The following CTNND2 variants were observed in gnomAD, a reference collection of about 807,000 sequenced individuals.
CTNND2 encodes catenin delta 2.
In CTNND2, 22 loss-of-function variants were observed where a neutral mutation model predicts 144.4. That is an observed-to-expected ratio of 0.15 (90% CI 0.11 to 0.22). The LOEUF (loss-of-function observed/expected upper bound fraction) is 0.22. Ranked by LOEUF, CTNND2 falls within the 10% of genes least tolerant of loss-of-function variation. The pLI, the probability that CTNND2 is intolerant of heterozygous loss-of-function variation, is 1.00. For synonymous variants in CTNND2, 751 were observed against 695.6 expected (o/e 1.08, Z -1.25); for missense variants, 1,353 against 1,618.8 (o/e 0.84, Z 2.82).
intron 6 of CTNND2, among the ~76,000 whole-genome samples, chr5:11,394,179 A>G (rs1158335319): frequency 6.6e-6 from 1 of 151,976 alleles, no homozygotes; most frequent in African/African-American, 2.4e-5. Flanking sequence ...AGAAACCATC[A>G]CTTTCTAATG....
chr5:11,182,080 G>C (rs1735106092), intron 11 of CTNND2, among the ~76,000 whole-genome samples: 1 of 136,484 alleles, frequency 7.3e-6, no homozygotes, highest in African/African-American at 2.7e-5. Context: ...GGTGTGTGTG[G>C]TATGTGTGGG....
chr5:11,559,426 C>T (rs945570118), intron 3 of CTNND2, among the ~76,000 whole-genome samples: 1 of 152,114 alleles, frequency 6.6e-6, no homozygotes, highest in South Asian at 2.1e-4. Context: ...ATATTCTATG[C>T]TCTCCACTTA....
intron 14 of CTNND2, among the ~76,000 whole-genome samples, chr5:11,104,585 G>A (rs1752230650): frequency 6.6e-6 from 1 of 152,032 alleles, no homozygotes; most frequent in Admixed American, 6.6e-5. Context: ...AGAGGTGATG[G>A]GTATTCAAAA....
intron 16 of CTNND2, among the ~76,000 whole-genome samples, chr5:11,061,505 C>G (rs770369187): frequency 6.6e-6 from 1 of 152,252 alleles, no homozygotes; most frequent in Non-Finnish European, 1.5e-5. Context: ...TTGCCACCTG[C>G]GAACCTCTCT....
At chr5:11,186,872 G>A (rs140991292) in intron 11 of CTNND2, among the ~76,000 whole-genome samples, 4 of 152,320 alleles carry the variant, frequency 2.6e-5, no homozygotes, top group African/African-American at 9.6e-5. Flanking sequence ...CCACAGACCA[G>A]CTGTGACTTT....
chr5:11,009,940 C>T (rs985071129), intron 18 of CTNND2, among the ~76,000 whole-genome samples: 1 of 152,224 alleles, frequency 6.6e-6, no homozygotes, highest in Admixed American at 6.5e-5. Context: ...GAAAGACCTT[C>T]TTTGTCAATA....
chr5:11,069,665 C>G (rs200036132), intron 16 of CTNND2, among the ~76,000 whole-genome samples: 1 of 36,676 alleles, frequency 2.7e-5, no homozygotes, highest in Non-Finnish European at 5.5e-5. Context: ...GAGAGAGAGA[C>G]AGACAGACAG....
At chr5:11,035,855 G>GAAA (rs11375278) in intron 16 of CTNND2, among the ~76,000 whole-genome samples, 3 of 148,322 alleles carry the variant, frequency 2.0e-5, no homozygotes, top group South Asian at 2.1e-4. Flanking sequence ...TAATGAACTT[G>GAAA]AAAAAAAAAA....
chr5:11,548,121 CA>C (rs1389475613), intron 3 of CTNND2, among the ~76,000 whole-genome samples: 2 of 152,072 alleles, frequency 1.3e-5, no homozygotes, highest in Admixed American at 6.5e-5. Context: ...CAGAGTGCAG[CA>C]AAAAGCAAGG....
chr5:11,655,171 T>C (rs1488497470), intron 2 of CTNND2, among the ~76,000 whole-genome samples: 2 of 152,092 alleles, frequency 1.3e-5, no homozygotes, highest in African/African-American at 4.8e-5. Flanking sequence ...TACTGAACAA[T>C]TTTAAATAGA....
intron 9 of CTNND2, among the ~76,000 whole-genome samples, chr5:11,269,139 G>A (rs748353390): frequency 9.2e-5 from 14 of 152,166 alleles, no homozygotes; most frequent in Admixed American, 2.0e-4. Flanking sequence ...TTAGCTCCCC[G>A]GGATTTAGTT....
intron 2 of CTNND2, among the ~76,000 whole-genome samples, chr5:11,659,418 G>T (rs1272255465): frequency 6.6e-6 from 1 of 152,224 alleles, no homozygotes; most frequent in East Asian, 1.9e-4. Flanking sequence ...CAATTAAAAT[G>T]AATCCTTAAC....
chr5:11,783,956 G>A (rs1207632432), intron 1 of CTNND2, among the ~76,000 whole-genome samples: 1 of 152,202 alleles, frequency 6.6e-6, no homozygotes, highest in East Asian at 1.9e-4. Flanking sequence ...AAGAGTCAGG[G>A]AGTAGACTTG....
chr5:11,729,605 T>A (rs1787222216), intron 2 of CTNND2, among the ~76,000 whole-genome samples: 1 of 152,160 alleles, frequency 6.6e-6, no homozygotes, highest in Non-Finnish European at 1.5e-5. Flanking sequence ...CACCAAGCCA[T>A]CCGTATTTTT....
chr5:11,826,832 A>G (rs1369732525), intron 1 of CTNND2, among the ~76,000 whole-genome samples: 1 of 152,004 alleles, frequency 6.6e-6, no homozygotes, highest in African/African-American at 2.4e-5. Context: ...TAATATAAAA[A>G]TGTATATAAT....
intron 3 of CTNND2, among the ~76,000 whole-genome samples, chr5:11,503,602 G>T (rs1329076312): frequency 6.6e-6 from 1 of 152,164 alleles, no homozygotes; most frequent in Non-Finnish European, 1.5e-5. Flanking sequence ...AAAGCAGCGG[G>T]GTTGTGTAGG....
At chr5:11,482,581 C>A (rs993887862) in intron 3 of CTNND2, among the ~76,000 whole-genome samples, 9 of 152,020 alleles carry the variant, frequency 5.9e-5, no homozygotes, top group African/African-American at 1.9e-4. Context: ...GAGAAGGACA[C>A]ACGGCACCTC....
chr5:11,492,553 A>T (rs1769518213), intron 3 of CTNND2, among the ~76,000 whole-genome samples: 1 of 149,056 alleles, frequency 6.7e-6, no homozygotes, highest in African/African-American at 2.5e-5. Context: ...GTGTATCTGG[A>T]CTTTCTTTCT....
At chr5:11,126,078 G>T (rs1219996295) in intron 12 of CTNND2, among the ~76,000 whole-genome samples, 3 of 152,188 alleles carry the variant, frequency 2.0e-5, no homozygotes, top group Admixed American at 1.3e-4. Flanking sequence ...GAGGCAGGCG[G>T]ATCACCTGAG....
Sources: gnomAD v4.1 joint callset for allele counts (sites outside exome capture counted in the v4.1 genomes callset) on GRCh38, gnomAD v4.1.1 for gene constraint, MANE v1.5 for transcripts, NCBI Gene and HGNC (gene_info 2026-07-23, HGNC 2026-07-21) for gene names.